Variants in CENPC observed in about 807,000 individuals in gnomAD.
The protein encoded by CENPC is CENP-C 1.
In CENPC, 63 loss-of-function variants were observed where a neutral mutation model predicts 112.1. The observed-to-expected ratio is 0.56, with a 90% CI of 0.46 to 0.69. The LOEUF (loss-of-function observed/expected upper bound fraction) is 0.69. Ranked by LOEUF, CENPC falls within the 30% of genes least tolerant of loss-of-function variation. CENPC has a pLI of 0.00. For synonymous variants in CENPC, 333 were observed against 367.6 expected, an observed-to-expected ratio of 0.91 and a Z score of 1.08; for missense variants, 1,000 against 1,103.8, an observed-to-expected ratio of 0.91 and a Z score of 1.33.
At chr4:67,529,957 T>A (rs1426350283) in intron 5 of CENPC, among the ~76,000 whole-genome samples, 1 of 151,244 alleles carries the variant, frequency 6.6e-6, no homozygotes, top group Non-Finnish European at 1.5e-5. Context: ...ATAATAAAAG[T>A]AGTACATTCA....
At chr4:67,526,353 CA>C (rs201104646) in intron 5 of CENPC, among the ~76,000 whole-genome samples, 21 of 145,746 alleles carry the variant, frequency 1.4e-4, no homozygotes, top group Admixed American at 3.4e-4. Flanking sequence ...TAAAAAAACT[CA>C]AAAAAAAAAT....
intron 5 of CENPC, among the ~76,000 whole-genome samples, chr4:67,522,499 G>T (rs968396144): frequency 6.6e-6 from 1 of 151,982 alleles, no homozygotes; most frequent in African/African-American, 2.4e-5. Context: ...ATATTGTCTG[G>T]GTTCCAAGGG....
chr4:67,518,128 C>A, intron 7 of CENPC, 28 bp downstream of exon 7: 2 of 1,256,744 alleles, frequency 1.6e-6, no homozygotes, highest in Non-Finnish European at 2.2e-6. Context: ...AGAAAAATGT[C>A]TCAAAGGGCA....
chr4:67,511,632 G>A (rs558008601), intron 9 of CENPC, among the ~76,000 whole-genome samples: 2 of 152,228 alleles, frequency 1.3e-5, no homozygotes, highest in African/African-American at 4.8e-5. Context: ...CAAAAAATAT[G>A]GTTTAGGCAA....
intron 1 of CENPC, among the ~76,000 whole-genome samples, chr4:67,544,537 C>A (rs769011625): frequency 6.6e-6 from 1 of 151,934 alleles, no homozygotes; most frequent in Non-Finnish European, 1.5e-5. Flanking sequence ...ATATGTATAA[C>A]GTCACATAAT....
intron 9 of CENPC, chr4:67,511,157 T>A (rs1459618340): frequency 4.8e-6 from 2 of 418,774 alleles, no homozygotes; most frequent in Non-Finnish European, 9.6e-6. Context: ...TGTTACAGAA[T>A]GAGAAACTAA....
At chr4:67,535,490 T>A (rs751805484) in intron 4 of CENPC, among the ~76,000 whole-genome samples, 3 of 151,644 alleles carry the variant, frequency 2.0e-5, no homozygotes, top group Non-Finnish European at 4.4e-5. Context: ...AATTAATGTG[T>A]CTATGCATAC....
At chr4:67,493,105 A>T (rs1725329211) in intron 14 of CENPC, 108 bp from the exon 15 acceptor site, 1 of 854,522 alleles carries the variant, frequency 1.2e-6, no homozygotes, top group African/African-American at 1.8e-5. Flanking sequence ...CAAAGAATAT[A>T]TGTCTGCAGC....
chr4:67,501,144 C>A (rs1242961961), intron 12 of CENPC, among the ~76,000 whole-genome samples: 3 of 152,056 alleles, frequency 2.0e-5, no homozygotes, highest in Non-Finnish European at 4.4e-5. Context: ...CCTGTCTCTA[C>A]TAAAAATACA....
Position 67,539,914 on chromosome 4 carries a change from T to A in CENPC, c.157A>T (p.Thr53Ser), listed in dbSNP as rs1171484641. Reference sequence around the variant, plus strand: ...TTAGGCACTGATTTTGTAGAATTTGTACTAAAATCATTGGCAAGACCTAAA... The same window carrying A: ...TTAGGCACTGATTTTGTAGAATTTGAACTAAAATCATTGGCAAGACCTAAA... Reference protein sequence around the residue: ...EEKSLANDFSTNSTKSVPNST... With the variant: ...EEKSLANDFSSNSTKSVPNST... Residue 53 changes from threonine to serine, a missense_variant, in exon 4 of 19, where the codon ACA becomes TCA. Thr to Ser is a moderately conservative substitution (Grantham distance 58). Transcript: ENST00000273853. 2 of 1,524,426 alleles carry A rather than the reference T, an allele frequency of 1.3e-6. No homozygotes were observed. Among genetic ancestry groups the A allele is most frequent in the Non-Finnish European group, 1.8e-6 (2 of 1,138,762 alleles). The allele number at this position is 1,524,426 out of a possible 1,614,324, so 94.4% of individuals were successfully genotyped here.
chr4:67,505,183 C>G (rs750912850), intron 12 of CENPC, 22 bp downstream of exon 12: 1 of 1,507,720 alleles, frequency 6.6e-7, no homozygotes, highest in Non-Finnish European at 9.0e-7. Context: ...AAAATCAAGA[C>G]AGAAAAAAAA....
chr4:67,529,309 C>T (rs1474398264), intron 5 of CENPC, among the ~76,000 whole-genome samples: 1 of 151,956 alleles, frequency 6.6e-6, no homozygotes, highest in Non-Finnish European at 1.5e-5. Flanking sequence ...TTGACAGTGT[C>T]CTTCAGATTT....
intron 10 of CENPC, 111 bp downstream of exon 10, chr4:67,508,703 A>T: frequency 1.1e-6 from 1 of 934,100 alleles, no homozygotes. Context: ...GGTATGTCAG[A>T]GTGCAGAGCT....
At chr4:67,494,628 G>T (rs1725381399) in intron 13 of CENPC, among the ~76,000 whole-genome samples, 1 of 152,162 alleles carries the variant, frequency 6.6e-6, no homozygotes, top group Non-Finnish European at 1.5e-5. Flanking sequence ...CTCAAATAAA[G>T]GGAGAAACAT....
chr4:67,482,850 T>G (rs2109766076), intron 17 of CENPC, among the ~76,000 whole-genome samples: 1 of 152,238 alleles, frequency 6.6e-6, no homozygotes, highest in East Asian at 1.9e-4. Flanking sequence ...ACTAAATAAA[T>G]AATCTCTTGT....
chr4:67,544,361 C>T (rs2109840307), intron 1 of CENPC, among the ~76,000 whole-genome samples, 166 bp from the exon 2 acceptor site: 1 of 152,266 alleles, frequency 6.6e-6, no homozygotes, highest in Non-Finnish European at 1.5e-5. Flanking sequence ...TTATGACAGG[C>T]ATTTAAAAAC....
At chr4:67,483,240 C>T (rs978342322) in intron 17 of CENPC, among the ~76,000 whole-genome samples, 17 of 152,078 alleles carry the variant, frequency 1.1e-4, no homozygotes, top group Non-Finnish European at 2.2e-4. Flanking sequence ...ATCCTGTAAT[C>T]CCAGCTACTT....
rs753013253 is a variant in CENPC, at chr4:67,540,970, G to T, written c.136+10C>A. 10 of 1,588,672 alleles carry T rather than the reference G, an allele frequency of 6.3e-6. No homozygotes were observed. In the African/African-American group the frequency reaches 1.3e-4, roughly 21 times the overall value. ...TAACCCTTAAATTCCATCTTGAAAT[G>T]AAGCCTTACTTTTTTCTTCAAAACA... is the stretch of plus-strand genomic sequence containing the variant. On this transcript the variant is annotated intron_variant, in intron 3 of 18. Transcript: ENST00000273853.
chr4:67,497,678 G>C (rs1725474700), intron 12 of CENPC, among the ~76,000 whole-genome samples: 1 of 152,010 alleles, frequency 6.6e-6, no homozygotes, highest in Non-Finnish European at 1.5e-5. Flanking sequence ...AACCAGAGAT[G>C]CACACCACCA....
Sources: gnomAD v4.1 joint callset for allele counts (sites outside exome capture counted in the v4.1 genomes callset) on GRCh38, gnomAD v4.1.1 for gene constraint, MANE v1.5 for transcripts, NCBI Gene and HGNC (gene_info 2026-07-23, HGNC 2026-07-21) for gene names.